The following EPHA5 variants were observed in gnomAD, a reference collection of about 807,000 sequenced individuals.
EPHA5 encodes the protein EPH receptor A5, also known as ephrin type-A receptor 5.
Under a neutral mutation model 105.0 loss-of-function variants are expected in EPHA5, and 60 were observed. That is an observed-to-expected ratio of 0.57 (90% CI 0.46 to 0.71). The LOEUF is 0.71. Ranked by LOEUF, EPHA5 falls within the 30% of genes least tolerant of loss-of-function variation. EPHA5 has a pLI of 0.00. For missense variants in EPHA5, 1,218 were observed against 1,274.7 expected, an observed-to-expected ratio of 0.96 and a Z score of 0.68; for synonymous variants, 513 against 449.1, an observed-to-expected ratio of 1.14 and a Z score of -1.80.
At chr4:65,544,611 G>A (rs748452194) in intron 3 of EPHA5, among the ~76,000 whole-genome samples, 49 of 151,994 alleles carry the variant, frequency 3.2e-4, no homozygotes, top group Admixed American at 2.1e-3. Context: ...AAATAGCGAC[G>A]CTTTTACATT....
intron 1 of EPHA5, among the ~76,000 whole-genome samples, chr4:65,648,692 C>A (rs547531695): frequency 6.6e-6 from 1 of 152,256 alleles, no homozygotes; most frequent in Non-Finnish European, 1.5e-5. Context: ...ATACAAGAGG[C>A]TTTTGATGGA....
chr4:65,378,942 C>G (rs1232784899), intron 8 of EPHA5, among the ~76,000 whole-genome samples: 2 of 151,816 alleles, frequency 1.3e-5, no homozygotes, highest in African/African-American at 2.4e-5. Context: ...TCATTTCAAA[C>G]AGCAGTTTCA....
At chr4:65,413,935 A>G (rs1723145412) in intron 7 of EPHA5, among the ~76,000 whole-genome samples, 2 of 152,190 alleles carry the variant, frequency 1.3e-5, no homozygotes, top group Admixed American at 1.3e-4. Flanking sequence ...GAAAGACTAA[A>G]CCTAGTAGCC....
At chr4:65,434,360 G>C (rs1010113856) in intron 5 of EPHA5, among the ~76,000 whole-genome samples, 26 of 151,802 alleles carry the variant, frequency 1.7e-4, no homozygotes, top group Admixed American at 8.5e-4. Flanking sequence ...ATATATCCTG[G>C]TTTTCGCCAT....
At chr4:65,480,046 C>T (rs1235950530) in intron 5 of EPHA5, among the ~76,000 whole-genome samples, 1 of 151,694 alleles carries the variant, frequency 6.6e-6, no homozygotes, top group Non-Finnish European at 1.5e-5. Flanking sequence ...TAACTCAGCC[C>T]TCAACACATG....
At chr4:65,651,268 T>C (rs1748585545) in intron 1 of EPHA5, among the ~76,000 whole-genome samples, 1 of 152,190 alleles carries the variant, frequency 6.6e-6, no homozygotes, top group East Asian at 1.9e-4. Flanking sequence ...ATAGAGTTGT[T>C]AATCCATCTA....
chr4:65,639,039 C>T (rs1747408052), intron 2 of EPHA5, among the ~76,000 whole-genome samples: 1 of 152,166 alleles, frequency 6.6e-6, no homozygotes, highest in South Asian at 2.1e-4. Flanking sequence ...ATTATTAAAA[C>T]ATGACATCAA....
In EPHA5 at chr4:65,324,047, A is replaced by G; in HGVS notation, c.*67T>C. 9.4e-7 allele frequency: 1 copy of G among 1,060,698 alleles called. No homozygotes were observed. The highest frequency in any genetic ancestry group is 1.4e-6 in the Non-Finnish European group (1 of 705,096). The allele number at this position is 1,060,698 out of a possible 1,614,324, so 65.7% of individuals were successfully genotyped here. A position where few individuals can be genotyped will look rare whatever the true frequency, so the allele number is the denominator to read the frequency against. On this transcript the variant is annotated 3_prime_UTR_variant, in exon 17 of 17. Coordinates refer to ENST00000613740, the MANE Select transcript of EPHA5 (RefSeq NM_001281766.3). Reference sequence around the variant, plus strand: ...TTCCCTTTTCCCCCTTTTTTTGTTAAAATAAATCTCAGTGCTGTTTACAAA... The same window carrying G: ...TTCCCTTTTCCCCCTTTTTTTGTTAGAATAAATCTCAGTGCTGTTTACAAA...
At position 65,320,365 on chromosome 4, in the gene EPHA5, A is replaced by G. The variant is rs1719545399; in HGVS notation, c.*3749T>C. ...TCATCATCATCAGGATCATCATCAT[A>G]TTGTACCTACTTTTTGCTTAATTTG... On this transcript the variant is annotated 3_prime_UTR_variant, in exon 17 of 17. Coordinates refer to ENST00000613740, the MANE Select transcript of EPHA5 (RefSeq NM_001281766.3). The G allele has an allele frequency of 4.3e-6, 1 of 230,356 alleles. No homozygotes were observed. The highest frequency in any genetic ancestry group is 6.1e-5 in the East Asian group (1 of 16,294). 14.3% of individuals were successfully genotyped at this position (230,356 alleles called of 1,614,324 possible).
intron 3 of EPHA5, among the ~76,000 whole-genome samples, chr4:65,585,194 G>A (rs1362019024): frequency 1.3e-5 from 2 of 151,508 alleles, no homozygotes; most frequent in Non-Finnish European, 2.9e-5. Flanking sequence ...TTAGAATAGT[G>A]TGTGATATAT....
intron 8 of EPHA5, among the ~76,000 whole-genome samples, chr4:65,369,721 A>G (rs1484268391): frequency 6.6e-6 from 1 of 152,114 alleles, no homozygotes; most frequent in Non-Finnish European, 1.5e-5. Flanking sequence ...TAATCCCAGC[A>G]CTTTGGGAAT....
rs1207534628 is a variant in EPHA5, at chr4:65,348,791, G to GTATA, written c.2446-589_2446-588insTATA. Among the ~76,000 whole-genome samples, 106 of 19,908 alleles carry GTATA rather than the reference G, an allele frequency of 5.3e-3. 8 individuals carry two copies. The highest frequency in any genetic ancestry group is 0.014 in the Non-Finnish European group (89 of 6,342). 13.1% of individuals were successfully genotyped at this position (19,908 alleles called of 152,430 possible). ...TATATGTGTGTGCATGTGTGTGTGT[G>GTATA]TGTATATATATATATATATATATAT... On this transcript the variant is annotated intron_variant, in intron 13 of 16. Transcript: ENST00000613740.
chr4:65,437,960 A>G (rs1210953079), intron 5 of EPHA5, among the ~76,000 whole-genome samples: 1 of 152,006 alleles, frequency 6.6e-6, no homozygotes, highest in Non-Finnish European at 1.5e-5. Flanking sequence ...CATAAGCCTC[A>G]TACTGCATCC....
intron 5 of EPHA5, among the ~76,000 whole-genome samples, chr4:65,475,446 A>C (rs1260951180): frequency 6.6e-6 from 1 of 152,134 alleles, no homozygotes; most frequent in East Asian, 1.9e-4. Context: ...GCTTGATTTA[A>C]ACATAACTTT....
chr4:65,554,905 C>A lies in EPHA5; in HGVS notation c.910+46736G>T, dbSNP rs190815465. ...TCCATAAAATGTCTCTGTGCTACCA[C>A]ATAAGGTAATGTTTCAGAGATGAGA... On this transcript the variant is annotated intron_variant, in intron 3 of 16. Coordinates refer to ENST00000613740, the MANE Select transcript of EPHA5 (RefSeq NM_001281766.3). Among the ~76,000 whole-genome samples the A allele has an allele frequency of 1.6e-3, 220 of 137,842 alleles. 2 individuals are homozygous for A. Among genetic ancestry groups the A allele is most frequent in the Non-Finnish European group, 2.9e-3 (193 of 65,472 alleles). The allele number at this position is 137,842 out of a possible 152,430, so 90.4% of individuals were successfully genotyped here. A position where few individuals can be genotyped will look rare whatever the true frequency, so the allele number is the denominator to read the frequency against.
At chr4:65,459,441 A>G (rs950370220) in intron 5 of EPHA5, among the ~76,000 whole-genome samples, 1 of 151,886 alleles carries the variant, frequency 6.6e-6, no homozygotes, top group East Asian at 1.9e-4. Flanking sequence ...GGATTTTAAT[A>G]TATCTTAGTA....
At chr4:65,499,403 CAT>C (rs1732262668) in intron 3 of EPHA5, among the ~76,000 whole-genome samples, 1 of 151,580 alleles carries the variant, frequency 6.6e-6, no homozygotes, top group South Asian at 2.1e-4. Context: ...ATCAATCTCA[CAT>C]GATTCCAATT....
At chr4:65,650,698 C>T (rs1748536366) in intron 1 of EPHA5, among the ~76,000 whole-genome samples, 1 of 152,104 alleles carries the variant, frequency 6.6e-6, no homozygotes, top group African/African-American at 2.4e-5. Context: ...CTCTAAATCA[C>T]CTGCTCTGTT....
intron 16 of EPHA5, chr4:65,331,749 G>A: frequency 8.2e-7 from 1 of 1,218,970 alleles, no homozygotes; most frequent in Non-Finnish European, 1.0e-6. Flanking sequence ...AATTATTCAA[G>A]TATGCCAATG....
Sources: allele counts gnomAD v4.1 joint callset (sites outside exome capture counted in the v4.1 genomes callset), GRCh38; gene constraint gnomAD v4.1.1; transcripts MANE v1.5; gene names NCBI Gene and HGNC (gene_info 2026-07-23, HGNC 2026-07-21).